The following EEA1 variants were observed in gnomAD, a reference collection of about 807,000 sequenced individuals.
EEA1 encodes early endosome antigen 1, 162kD.
In EEA1, 111 loss-of-function variants were observed where a neutral mutation model predicts 209.2. The ratio of observed to expected loss-of-function variants is 0.53; its 90% confidence interval spans 0.45 to 0.62. EEA1 has a LOEUF of 0.62. EEA1 is among the 20% of genes least tolerant of loss of function. The pLI is 0.00. For synonymous variants in EEA1, 536 were observed against 540.6 expected (o/e 0.99, Z 0.12); for missense variants, 1,343 against 1,530.8 (o/e 0.88, Z 2.05).
intron 1 of EEA1, among the ~76,000 whole-genome samples, chr12:92,928,260 A>AC (rs1881285480): frequency 6.6e-6 from 1 of 152,024 alleles, no homozygotes; most frequent in Non-Finnish European, 1.5e-5. Context: ...TAAATGATAC[A>AC]CCTACAGTTT....
chr12:92,809,145 A>C lies in EEA1; in HGVS notation c.2211T>G (p.Ala737=). ...ELEGQIKKLE[A]DSLEVKASKE... is the part of the protein sequence containing the mutation. ...TGCTTGCTTTAACTTCAAGACTATC[A>C]GCTTCTAGTTTCTATGAAAGAAATA... is the stretch of plus-strand genomic sequence containing the variant. The change falls in exon 18 of 29, where the codon GCT becomes GCG. Residue 737 remains alanine (A), a synonymous_variant. Transcript: ENST00000322349. The C allele has an allele frequency of 6.4e-7, 1 of 1,572,330 alleles. No individual in the cohort carries two copies. Among genetic ancestry groups the C allele is most frequent in the East Asian group, 2.3e-5 (1 of 43,412 alleles).
intron 5 of EEA1, among the ~76,000 whole-genome samples, chr12:92,856,762 T>A (rs1285167983): frequency 7.3e-6 from 1 of 137,720 alleles, no homozygotes; most frequent in African/African-American, 2.7e-5. Context: ...TATAGATACC[T>A]GATTCTTTTT....
chr12:92,809,691 T>C (rs564244646), intron 17 of EEA1, among the ~76,000 whole-genome samples: 4 of 146,686 alleles, frequency 2.7e-5, no homozygotes, highest in South Asian at 4.3e-4. Context: ...TGAGACTCCA[T>C]CTCAAAAAAA....
chr12:92,873,115 T>C (rs1878725148), intron 2 of EEA1, among the ~76,000 whole-genome samples: 1 of 152,230 alleles, frequency 6.6e-6, no homozygotes, highest in African/African-American at 2.4e-5. Context: ...CAATGCCTGA[T>C]TATATGACCT....
chr12:92,779,883 A>G (rs1873829269), intron 24 of EEA1, among the ~76,000 whole-genome samples: 1 of 152,172 alleles, frequency 6.6e-6, no homozygotes, highest in African/African-American at 2.4e-5. Context: ...AAAATGTTAA[A>G]AATAACAGAT....
chr12:92,900,173 CCTGA>C (rs1880087806), intron 1 of EEA1, among the ~76,000 whole-genome samples: 1 of 152,104 alleles, frequency 6.6e-6, no homozygotes, highest in Admixed American at 6.6e-5. Flanking sequence ...TAGTTAGCAC[CCTGA>C]CTGTTTCCAA....
intron 9 of EEA1, among the ~76,000 whole-genome samples, chr12:92,849,099 A>C (rs1298007828): frequency 1.3e-5 from 2 of 152,228 alleles, no homozygotes; most frequent in Admixed American, 6.5e-5. Context: ...AAGTATATGC[A>C]TAACTCCAAA....
At chr12:92,920,733 A>C (rs1259751230) in intron 1 of EEA1, among the ~76,000 whole-genome samples, 6 of 151,718 alleles carry the variant, frequency 4.0e-5, no homozygotes, top group African/African-American at 9.7e-5. Flanking sequence ...GCAACAAAAG[A>C]CAAAATTGAC....
intron 1 of EEA1, among the ~76,000 whole-genome samples, chr12:92,905,082 A>G (rs1241992264): frequency 2.0e-5 from 3 of 152,114 alleles, no homozygotes; most frequent in Non-Finnish European, 4.4e-5. Context: ...GGGCCCATCA[A>G]TATCACCTTA....
Position 92,787,983 on chromosome 12 carries a change from C to G in EEA1, c.3034G>C (p.Glu1012Gln). 6.2e-7 allele frequency: 1 copy of G among 1,612,742 alleles called. No individual in the cohort carries two copies. Among genetic ancestry groups the G allele is most frequent in the Non-Finnish European group, 8.5e-7 (1 of 1,179,352 alleles). Residue 1012 changes from glutamate (E) to glutamine (Q), a missense_variant, in exon 22 of 29, where the codon GAG (glutamate) becomes CAG (glutamine). Glu to Gln is a conservative substitution (Grantham distance 29, BLOSUM62 2). Coordinates refer to ENST00000322349, the MANE Select transcript of EEA1 (RefSeq NM_003566.4). ...QAAQELAAEKEKISVLQNNYE... is the reference protein window; with the variant it reads ...QAAQELAAEKQKISVLQNNYE... ...TTGTTTTGTAATACTGATATTTTCT[C>G]TTTCTCTGCTGCAAGTTCCTGGGCT... is the stretch of plus-strand genomic sequence containing the variant.
At position 92,810,453 on chromosome 12, in the gene EEA1, G is replaced by A. The variant is rs114084363; in HGVS notation, c.2199+826C>T. On this transcript the variant is annotated intron_variant, in intron 17 of 28. Transcript: ENST00000322349. ...AAAGTACCTTGCCTTTGCTATTATC[G>A]TTTGTCATAAAGAAAAAGGAACCTA... is the stretch of plus-strand genomic sequence containing the variant. 8.1e-3 allele frequency among the ~76,000 whole-genome samples: 1,230 copies of A among 151,862 alleles called. 25 individuals are homozygous for A. The highest frequency in any genetic ancestry group is 0.027 in the African/African-American group (1,123 of 41,430).
At chr12:92,880,007 T>C (rs1879067722) in intron 2 of EEA1, among the ~76,000 whole-genome samples, 3 of 152,240 alleles carry the variant, frequency 2.0e-5, no homozygotes, top group Non-Finnish European at 2.9e-5. Context: ...AGACTCTTGA[T>C]ACTACCAAGC....
intron 1 of EEA1, among the ~76,000 whole-genome samples, chr12:92,898,934 C>A: frequency 1.5e-5 from 2 of 135,842 alleles, no homozygotes; most frequent in South Asian, 2.3e-4. Context: ...CAGAAAGAGA[C>A]AGGTATCTTA....
At chr12:92,841,247 A>G (rs1206308037) in intron 10 of EEA1, among the ~76,000 whole-genome samples, 1 of 152,188 alleles carries the variant, frequency 6.6e-6, no homozygotes. Flanking sequence ...GTTGCTGGGA[A>G]AAATGGATAT....
At position 92,775,300 on chromosome 12, in the gene EEA1, G is replaced by A. The variant is rs1020595921; in HGVS notation, c.*711C>T. 1 of 151,670 alleles carries A rather than the reference G, an allele frequency of 6.6e-6. No individual in the cohort carries two copies. The highest frequency in any genetic ancestry group is 2.4e-5 in the African/African-American group (1 of 41,396). 9.4% of individuals were successfully genotyped at this position (151,670 alleles called of 1,614,324 possible). A position where few individuals can be genotyped will look rare whatever the true frequency, so the allele number is the denominator to read the frequency against. Reference sequence around the variant, plus strand: ...AAAAGAAAAATTAACCCTATTCTTTGCAATACAACCCCAGATAACTATAAG... The same window carrying A: ...AAAAGAAAAATTAACCCTATTCTTTACAATACAACCCCAGATAACTATAAG... On this transcript the variant is annotated 3_prime_UTR_variant, in exon 29 of 29. Coordinates refer to ENST00000322349, the MANE Select transcript of EEA1 (RefSeq NM_003566.4).
intron 3 of EEA1, among the ~76,000 whole-genome samples, chr12:92,861,112 C>T (rs1228172820): frequency 6.6e-6 from 1 of 152,202 alleles, no homozygotes; most frequent in African/African-American, 2.4e-5. Context: ...ACTGACCATT[C>T]TAAGCCCTTC....
chr12:92,888,467 C>T (rs1879507171), intron 2 of EEA1, among the ~76,000 whole-genome samples: 1 of 151,814 alleles, frequency 6.6e-6, no homozygotes. Flanking sequence ...GTCCCAGCTA[C>T]TCGGGAGGCT....
At chr12:92,776,477 A>G (rs763133341) in intron 28 of EEA1, among the ~76,000 whole-genome samples, 1 of 151,930 alleles carries the variant, frequency 6.6e-6, no homozygotes, top group Non-Finnish European at 1.5e-5. Flanking sequence ...TCCAAAAGAA[A>G]TATAAACTTA....
Position 92,828,034 on chromosome 12 carries a change from G to A in EEA1, c.1282C>T (p.Arg428Cys), listed in dbSNP as rs756300514. The change falls in exon 12 of 29, where the codon CGC (arginine) becomes TGC (cysteine). Residue 428 changes from arginine (R) to cysteine (C), a missense_variant. Coordinates refer to ENST00000322349, the MANE Select transcript of EEA1 (RefSeq NM_003566.4). ...QLHSKLLETE[R>C]QLGEAHGRLK... ...CTACCATGAGCTTCCCCTAGTTGGC[G>A]CTCTGTCTCCAGAAGTTTGCTATGT... 5.1e-6 allele frequency: 8 copies of A among 1,577,594 alleles called. No homozygotes were observed. Among genetic ancestry groups the A allele is most frequent in the South Asian group, 1.2e-5 (1 of 84,302 alleles).
Sources: allele counts gnomAD v4.1 joint callset (sites outside exome capture counted in the v4.1 genomes callset), GRCh38; gene constraint gnomAD v4.1.1; transcripts MANE v1.5; gene names NCBI Gene and HGNC (gene_info 2026-07-23, HGNC 2026-07-21).